FHIT: variants seen among roughly 807,000 people sequenced by gnomAD.
FHIT encodes bis(5'-adenosyl)-triphosphatase.
A neutral mutation model predicts 17.9 loss-of-function variants in FHIT; 19 were observed. The ratio of observed to expected loss-of-function variants is 1.06; its 90% CI spans 0.74 to 1.56. FHIT has a LOEUF of 1.56. Ranked by LOEUF, FHIT falls within the 40% of genes most tolerant of loss-of-function variation. The pLI is 0.00. For synonymous variants in FHIT, 81 were observed against 69.7 expected (o/e 1.16, Z -0.81); for missense variants, 248 against 189.2 (o/e 1.31, Z -1.82).
At chr3:60,498,699 A>G (rs1208610687) in intron 5 of FHIT, among the ~76,000 whole-genome samples, 1 of 152,208 alleles carries the variant, frequency 6.6e-6, no homozygotes, top group Admixed American at 6.5e-5. Context: ...CAGTTAAACA[A>G]CATCACACAC....
At chr3:60,547,691 G>A (rs1309392323) in intron 4 of FHIT, among the ~76,000 whole-genome samples, 2 of 152,012 alleles carry the variant, frequency 1.3e-5, no homozygotes, top group Non-Finnish European at 2.9e-5. Context: ...TCGCCAGCTG[G>A]TAGCATAACA....
intron 5 of FHIT, among the ~76,000 whole-genome samples, chr3:60,150,361 A>T (rs1288871069): frequency 6.6e-6 from 1 of 152,140 alleles, no homozygotes; most frequent in African/African-American, 2.4e-5. Flanking sequence ...GGTATAAAAT[A>T]TATTGGAGTC....
At chr3:61,010,836 G>C (rs1343536080) in intron 3 of FHIT, among the ~76,000 whole-genome samples, 1 of 152,150 alleles carries the variant, frequency 6.6e-6, no homozygotes, top group Non-Finnish European at 1.5e-5. Context: ...ATAATATCAA[G>C]AGTTGACTGT....
intron 4 of FHIT, among the ~76,000 whole-genome samples, chr3:60,630,288 G>A (rs138676137): frequency 3.9e-5 from 6 of 152,262 alleles, no homozygotes; most frequent in Admixed American, 6.5e-5. Context: ...TGAGGAAGTC[G>A]ACACCAAAAG....
intron 5 of FHIT, among the ~76,000 whole-genome samples, chr3:60,412,457 T>C (rs897864369): frequency 2.0e-5 from 3 of 152,154 alleles, no homozygotes; most frequent in African/African-American, 7.2e-5. Context: ...ATTTTATTTT[T>C]AATGTGGCCT....
chr3:61,105,011 G>A (rs1009146675), intron 2 of FHIT, among the ~76,000 whole-genome samples: 2 of 152,022 alleles, frequency 1.3e-5, no homozygotes, highest in African/African-American at 4.8e-5. Context: ...GAGTTTCAAT[G>A]TACTCCTGTA....
At chr3:60,956,404 T>G (rs1383885300) in intron 3 of FHIT, among the ~76,000 whole-genome samples, 1 of 152,196 alleles carries the variant, frequency 6.6e-6, no homozygotes, top group Non-Finnish European at 1.5e-5. Context: ...ATTCTCTCTC[T>G]CTTGGGCTGC....
At chr3:60,788,746 G>A (rs1575526186) in intron 4 of FHIT, among the ~76,000 whole-genome samples, 1 of 152,084 alleles carries the variant, frequency 6.6e-6, no homozygotes, top group East Asian at 1.9e-4. Context: ...ATAAATACAT[G>A]TATACACATA....
intron 4 of FHIT, among the ~76,000 whole-genome samples, chr3:60,723,323 T>C (rs1235937448): frequency 1.3e-5 from 2 of 152,106 alleles, no homozygotes; most frequent in African/African-American, 4.8e-5. Context: ...TGTTGGCCTT[T>C]GGTTAGCAGC....
At chr3:60,033,704 T>C (rs760696819) in intron 5 of FHIT, among the ~76,000 whole-genome samples, 3 of 152,202 alleles carry the variant, frequency 2.0e-5, no homozygotes, top group Non-Finnish European at 4.4e-5. Context: ...GACATTTGAA[T>C]CTGGTTGAAG....
At chr3:61,066,719 C>G (rs1034956215) in intron 2 of FHIT, among the ~76,000 whole-genome samples, 2 of 152,172 alleles carry the variant, frequency 1.3e-5, no homozygotes, top group African/African-American at 4.8e-5. Context: ...TGCATCTTCT[C>G]TTTAAGAATT....
At chr3:60,893,345 A>C (rs6799687) in intron 3 of FHIT, among the ~76,000 whole-genome samples, 146,743 of 152,290 alleles carry the variant, frequency 0.96, 70,941 homozygotes, top group East Asian at 1. Context: ...TGAATGCTCT[A>C]GTGACACATA....
chr3:60,731,579 C>T (rs1191524350), intron 4 of FHIT, among the ~76,000 whole-genome samples: 1 of 152,148 alleles, frequency 6.6e-6, no homozygotes, highest in African/African-American at 2.4e-5. Context: ...CAGTGGTATG[C>T]ATACCCACTT....
chr3:60,007,514 A>T (rs1294006080), intron 7 of FHIT, among the ~76,000 whole-genome samples: 1 of 152,180 alleles, frequency 6.6e-6, no homozygotes, highest in Non-Finnish European at 1.5e-5. Flanking sequence ...TTCCCCACAC[A>T]AAAGAGGCAT....
chr3:60,704,731 G>A (rs2041330827), intron 4 of FHIT, among the ~76,000 whole-genome samples: 1 of 152,134 alleles, frequency 6.6e-6, no homozygotes, highest in Admixed American at 6.6e-5. Flanking sequence ...ATCCAATTCT[G>A]TCAGGGTCAT....
intron 4 of FHIT, among the ~76,000 whole-genome samples, chr3:60,549,100 T>C (rs771242786): frequency 1.9e-4 from 29 of 152,210 alleles, no homozygotes; most frequent in Non-Finnish European, 2.9e-4. Context: ...ACAAAAGTAA[T>C]GCCTAATTTT....
chr3:60,795,572 T>C (rs1251852941), intron 4 of FHIT, among the ~76,000 whole-genome samples: 1 of 151,850 alleles, frequency 6.6e-6, no homozygotes, highest in Non-Finnish European at 1.5e-5. Context: ...TGGAGTGCAG[T>C]GGCACGATCA....
intron 5 of FHIT, among the ~76,000 whole-genome samples, chr3:60,351,673 A>G (rs1699401750): frequency 6.6e-6 from 1 of 152,206 alleles, no homozygotes. Flanking sequence ...CAAGATAAAC[A>G]TTCCTATAGA....
chr3:59,869,637 A>G (rs1232798915), intron 8 of FHIT, among the ~76,000 whole-genome samples: 1 of 132,286 alleles, frequency 7.6e-6, no homozygotes, highest in Non-Finnish European at 1.6e-5. Context: ...GCCCGCCACC[A>G]CGCCCAGCTA....
Sources: gnomAD v4.1 joint callset for allele counts (sites outside exome capture counted in the v4.1 genomes callset) on GRCh38, gnomAD v4.1.1 for gene constraint, MANE v1.5 for transcripts, NCBI Gene and HGNC (gene_info 2026-07-23, HGNC 2026-07-21) for gene names.